The following NKAIN2 variants were observed in gnomAD, a reference collection of about 807,000 sequenced individuals.
NKAIN2 encodes the protein sodium/potassium transporting ATPase interacting 2, also known as sodium/potassium-transporting ATPase subunit beta-1-interacting protein 2.
A neutral mutation model predicts 32.6 loss-of-function variants in NKAIN2; 14 were observed. That is an observed-to-expected ratio of 0.43 (90% CI 0.28 to 0.67). The LOEUF (loss-of-function observed/expected upper bound fraction) is 0.67. Ranked by LOEUF, NKAIN2 falls within the 30% of genes least tolerant of loss-of-function variation. The pLI is 0.17. For synonymous variants in NKAIN2, 80 were observed against 87.2 expected (o/e 0.92, Z 0.46); for missense variants, 198 against 258.3 (o/e 0.77, Z 1.60).
intron 1 of NKAIN2, among the ~76,000 whole-genome samples, chr6:124,065,644 C>T (rs1783132052): frequency 6.6e-6 from 1 of 152,144 alleles, no homozygotes; most frequent in African/African-American, 2.4e-5. Context: ...TCTTGCACTT[C>T]CCAGCCTCCA....
intron 1 of NKAIN2, among the ~76,000 whole-genome samples, chr6:124,266,709 G>A (rs1794508697): frequency 6.6e-6 from 1 of 152,200 alleles, no homozygotes; most frequent in African/African-American, 2.4e-5. Flanking sequence ...CTACATTACT[G>A]TAATGTTGCT....
intron 4 of NKAIN2, among the ~76,000 whole-genome samples, chr6:124,671,403 T>C (rs1372367657): frequency 6.6e-6 from 1 of 152,132 alleles, no homozygotes; most frequent in Admixed American, 6.6e-5. Context: ...TGCCAACATC[T>C]GCTACATCTA....
chr6:123,977,828 A>G (rs1778708793), intron 1 of NKAIN2, among the ~76,000 whole-genome samples: 1 of 152,090 alleles, frequency 6.6e-6, no homozygotes, highest in African/African-American at 2.4e-5. Context: ...GTCTTGATTC[A>G]TTTGTTCTCC....
chr6:124,361,484 A>G (rs534463753), intron 3 of NKAIN2, among the ~76,000 whole-genome samples: 2 of 152,126 alleles, frequency 1.3e-5, no homozygotes, highest in East Asian at 1.9e-4. Context: ...AAACAACCCA[A>G]CTTGTCTTTA....
chr6:124,551,784 G>A lies in NKAIN2; in HGVS notation c.274-106402G>A, dbSNP rs911228773. ...AGTAAAAATAAAACCTATTCTGTAG[G>A]AGACTCCATTAACTTATCTGAAAAC... On this transcript the variant is annotated intron_variant, in intron 3 of 6. Coordinates refer to ENST00000368417, the MANE Select transcript of NKAIN2 (RefSeq NM_001040214.3). 4.6e-5 allele frequency among the ~76,000 whole-genome samples: 7 copies of A among 152,258 alleles called. No individual in the cohort carries two copies. The East Asian group carries it at 1.2e-3, about 25-fold the overall frequency.
intron 3 of NKAIN2, among the ~76,000 whole-genome samples, chr6:124,603,718 C>A (rs1782393428): frequency 6.6e-6 from 1 of 151,874 alleles, no homozygotes. Flanking sequence ...AACTGATACA[C>A]TGAGAGTTAA....
At chr6:124,248,580 T>C (rs1793534701) in intron 1 of NKAIN2, among the ~76,000 whole-genome samples, 1 of 152,102 alleles carries the variant, frequency 6.6e-6, no homozygotes, top group Admixed American at 6.6e-5. Context: ...CCTTAGTCTG[T>C]GCTGTACTTT....
At chr6:124,436,264 A>G (rs1470772686) in intron 3 of NKAIN2, among the ~76,000 whole-genome samples, 1 of 152,144 alleles carries the variant, frequency 6.6e-6, no homozygotes, top group Admixed American at 6.6e-5. Context: ...TGTAGTATCA[A>G]TTGTTTCTTC....
chr6:124,408,403 C>A (rs1221944158), intron 3 of NKAIN2, among the ~76,000 whole-genome samples: 1 of 152,176 alleles, frequency 6.6e-6, no homozygotes, highest in Non-Finnish European at 1.5e-5. Flanking sequence ...CCAGTTTCAG[C>A]TTTCTACACA....
chr6:124,245,496 A>G (rs1055945092), intron 1 of NKAIN2, among the ~76,000 whole-genome samples: 3 of 152,150 alleles, frequency 2.0e-5, no homozygotes, highest in African/African-American at 7.2e-5. Context: ...TTACTAGACT[A>G]TTTTCATTTG....
chr6:124,795,105 G>C (rs1182425831), intron 5 of NKAIN2, among the ~76,000 whole-genome samples: 1 of 152,166 alleles, frequency 6.6e-6, no homozygotes, highest in South Asian at 2.1e-4. Context: ...AAACATAGTG[G>C]CAGGAGTAGG....
intron 3 of NKAIN2, among the ~76,000 whole-genome samples, chr6:124,423,477 T>A (rs1454884418): frequency 6.6e-6 from 1 of 152,134 alleles, no homozygotes; most frequent in Non-Finnish European, 1.5e-5. Context: ...TAGCCCAATA[T>A]AGGGACCCAA....
At chr6:124,670,487 G>T (rs1024558982) in intron 4 of NKAIN2, among the ~76,000 whole-genome samples, 1 of 152,014 alleles carries the variant, frequency 6.6e-6, no homozygotes, top group Non-Finnish European at 1.5e-5. Flanking sequence ...ACAAATTATT[G>T]TGATGTGTTC....
chr6:123,807,137 A>G (rs900825128), intron 1 of NKAIN2, among the ~76,000 whole-genome samples: 1 of 152,076 alleles, frequency 6.6e-6, no homozygotes, highest in African/African-American at 2.4e-5. Context: ...GGCAGACTAC[A>G]AGTATTGATA....
intron 3 of NKAIN2, among the ~76,000 whole-genome samples, chr6:124,537,514 C>T (rs1000688155): frequency 6.6e-6 from 1 of 152,106 alleles, no homozygotes; most frequent in Non-Finnish European, 1.5e-5. Flanking sequence ...TTATTGTTTG[C>T]AGTATTTTTA....
rs994777833 is a variant in NKAIN2, at chr6:123,855,903, C to A, written c.54+51649C>A. The stretch of plus-strand genomic sequence containing the variant: ...GGTTGGCCTTATTACTTGTACCCTG[C>A]AGGGTGTAAATGCAGTTTTAGCAAT... On this transcript the variant is annotated intron_variant, in intron 1 of 6. Coordinates refer to ENST00000368417, the MANE Select transcript of NKAIN2 (RefSeq NM_001040214.3). 1.2e-4 allele frequency among the ~76,000 whole-genome samples: 19 copies of A among 152,144 alleles called. 1 individual carries two copies. The highest frequency in any genetic ancestry group is 4.3e-4 in the African/African-American group (18 of 41,410).
At position 123,993,944 on chromosome 6, in the gene NKAIN2, G is replaced by A. The variant is rs142671830; in HGVS notation, c.54+189690G>A. Reference sequence around the variant, plus strand: ...TTGTAATAAAAACCATAATTTGGGCGACCTTCTGTAGCATTGTAATGGCTT... The same window carrying A: ...TTGTAATAAAAACCATAATTTGGGCAACCTTCTGTAGCATTGTAATGGCTT... On this transcript the variant is annotated intron_variant, in intron 1 of 6. Coordinates refer to ENST00000368417, the MANE Select transcript of NKAIN2 (RefSeq NM_001040214.3). 2.6e-3 allele frequency among the ~76,000 whole-genome samples: 389 copies of A among 152,198 alleles called. 1 individual carries two copies. Among genetic ancestry groups the A allele is most frequent in the African/African-American group, 8.8e-3 (365 of 41,554 alleles).
intron 2 of NKAIN2, among the ~76,000 whole-genome samples, chr6:124,320,042 G>A (rs1797111150): frequency 1.3e-5 from 2 of 152,118 alleles, no homozygotes; most frequent in Admixed American, 1.3e-4. Flanking sequence ...CATCTGGCTT[G>A]TGGTCCTCCT....
intron 3 of NKAIN2, among the ~76,000 whole-genome samples, chr6:124,398,078 C>A (rs1773464639): frequency 6.6e-6 from 1 of 151,280 alleles, no homozygotes; most frequent in African/African-American, 2.4e-5. Context: ...ACGGTGAAAC[C>A]CCATCTGTAC....
Sources: allele counts gnomAD v4.1 joint callset (sites outside exome capture counted in the v4.1 genomes callset), GRCh38; gene constraint gnomAD v4.1.1; transcripts MANE v1.5; gene names NCBI Gene and HGNC (gene_info 2026-07-23, HGNC 2026-07-21).